AGBL1: variants seen among roughly 807,000 people sequenced by gnomAD.
AGBL1 encodes the protein AGBL carboxypeptidase 1.
A neutral mutation model predicts 118.9 loss-of-function variants in AGBL1; 130 were observed. That is an observed-to-expected ratio of 1.09 (90% CI 0.95 to 1.26). The LOEUF (loss-of-function observed/expected upper bound fraction) is 1.26, where lower values mean the gene tolerates loss of function less well. AGBL1 is among the 50% of genes most tolerant of loss of function. The pLI, the probability that AGBL1 is intolerant of heterozygous loss-of-function variation, is 0.00. For missense variants in AGBL1, 1,584 were observed against 1,298.1 expected, an observed-to-expected ratio of 1.22 and a Z score of -3.38; for synonymous variants, 555 against 478.9, an observed-to-expected ratio of 1.16 and a Z score of -2.08.
intron 24 of AGBL1, among the ~76,000 whole-genome samples, chr15:86,993,489 C>T (rs892312964): frequency 1.3e-5 from 2 of 152,128 alleles, no homozygotes; most frequent in Non-Finnish European, 2.9e-5. Flanking sequence ...CCTGTTACTT[C>T]TGCTGTCACA....
At chr15:86,960,136 T>G (rs2141684154) in intron 23 of AGBL1, among the ~76,000 whole-genome samples, 1 of 152,250 alleles carries the variant, frequency 6.6e-6, no homozygotes, top group African/African-American at 2.4e-5. Flanking sequence ...AGGGTACTAC[T>G]TATCTTGCTT....
At chr15:86,158,889 T>C in intron 4 of AGBL1, 44 bp from the exon 5 acceptor site, 2 of 1,561,018 alleles carry the variant, frequency 1.3e-6, no homozygotes, top group South Asian at 2.2e-5. Context: ...GAGCCTTAAC[T>C]CATCCACTTG....
At chr15:86,373,145 C>A (rs1376136179) in intron 17 of AGBL1, among the ~76,000 whole-genome samples, 1 of 152,162 alleles carries the variant, frequency 6.6e-6, no homozygotes, top group Non-Finnish European at 1.5e-5. Flanking sequence ...ACCTCATTGA[C>A]CCTCACCTAA....
chr15:86,279,389 A>G (rs950596767), intron 15 of AGBL1, among the ~76,000 whole-genome samples: 2 of 152,218 alleles, frequency 1.3e-5, no homozygotes, highest in Admixed American at 6.5e-5. Flanking sequence ...AAAGGTCGGT[A>G]GCATATACGG....
In AGBL1 at chr15:86,716,340, G is replaced by A. The variant is rs1023710139; in HGVS notation, c.3158+41904G>A. Among the ~76,000 whole-genome samples, 5 of 151,962 alleles carry A rather than the reference G, an allele frequency of 3.3e-5. No individual in the cohort carries two copies. In the South Asian group the frequency reaches 6.2e-4, roughly 19 times the overall value. ...TGCATGGGGGAAATCTGAAAGGCTC[G>A]GAAGTGTAGTGGGGTCCCATGGAGG... On this transcript the variant is annotated intron_variant, in intron 22 of 22. Coordinates refer to ENST00000614907, the MANE Select transcript of AGBL1 (RefSeq NM_001386094.1).
At chr15:86,223,771 A>G (rs1237389332) in intron 5 of AGBL1, among the ~76,000 whole-genome samples, 1 of 152,162 alleles carries the variant, frequency 6.6e-6, no homozygotes, top group African/African-American at 2.4e-5. Flanking sequence ...ATGGGGAGCA[A>G]TGCTTTCACA....
intron 22 of AGBL1, among the ~76,000 whole-genome samples, chr15:86,683,100 A>T (rs1291947628): frequency 6.6e-6 from 1 of 152,210 alleles, no homozygotes; most frequent in African/African-American, 2.4e-5. Context: ...TGGTGTACAC[A>T]TGCTGATTAC....
chr15:86,918,591 A>G (rs1401269942), downstream of AGBL1, among the ~76,000 whole-genome samples: 1 of 151,912 alleles, frequency 6.6e-6, no homozygotes, highest in Non-Finnish European at 1.5e-5. Context: ...TCTTATTTTC[A>G]GACTTAGTCA....
chr15:87,009,486 T>A (rs2081536458), intron 24 of AGBL1, among the ~76,000 whole-genome samples: 1 of 152,186 alleles, frequency 6.6e-6, no homozygotes, highest in African/African-American at 2.4e-5. Flanking sequence ...GCTAGGGCAG[T>A]GTGGAAGAGA....
rs746390210 is a variant in AGBL1 at position 86,674,417 on chromosome 15, C to G, written c.3139C>G (p.Leu1047Val). The G allele has an allele frequency of 7.5e-6, 12 of 1,609,538 alleles. No individual in the cohort carries two copies. In the East Asian group the frequency reaches 1.6e-4, roughly 21 times the overall value. ...ATLLSAEEDA[L>V]DQHLQRCSSS... is the part of the protein sequence containing the mutation. ...TCTGCTGAGTGCTGAGGAGGACGCT[C>G]TGGACCAGCACCTCCAACGGTAAGA... The change falls in exon 22 of 23, where the codon CTG becomes GTG. Residue 1047 changes from leucine to valine, a missense_variant. By Grantham distance (32) the Leu-to-Val change is conservative (BLOSUM62 1). Coordinates refer to ENST00000614907, the MANE Select transcript of AGBL1 (RefSeq NM_001386094.1).
At chr15:86,964,165 T>C (rs953867151) in intron 23 of AGBL1, among the ~76,000 whole-genome samples, 2 of 151,950 alleles carry the variant, frequency 1.3e-5, no homozygotes, top group African/African-American at 4.8e-5. Context: ...GTGCTGGAAT[T>C]AGGGACCAAA....
At chr15:86,142,275 C>G (rs1174349057) in intron 2 of AGBL1, among the ~76,000 whole-genome samples, 2 of 152,182 alleles carry the variant, frequency 1.3e-5, no homozygotes, top group Non-Finnish European at 2.9e-5. Context: ...TCTTCTCACC[C>G]GACACTGAGG....
intron 18 of AGBL1, among the ~76,000 whole-genome samples, chr15:86,479,361 A>G (rs1385277226): frequency 6.6e-6 from 1 of 152,244 alleles, no homozygotes; most frequent in Non-Finnish European, 1.5e-5. Flanking sequence ...TCCAGAATCT[A>G]CAATGAACTC....
intron 1 of AGBL1, among the ~76,000 whole-genome samples, chr15:86,105,993 C>T: frequency 6.6e-6 from 1 of 152,206 alleles, no homozygotes; most frequent in East Asian, 1.9e-4. Context: ...TCTGAAAAAT[C>T]ACTTTTGTCT....
At chr15:86,087,117 T>G (rs1194747514) in intron 1 of AGBL1, among the ~76,000 whole-genome samples, 1 of 152,230 alleles carries the variant, frequency 6.6e-6, no homozygotes, top group Non-Finnish European at 1.5e-5. Flanking sequence ...CACTGGATAT[T>G]ACTCCAAAAC....
intron 18 of AGBL1, among the ~76,000 whole-genome samples, chr15:86,468,797 C>T (rs2082440279): frequency 6.6e-6 from 1 of 152,048 alleles, no homozygotes; most frequent in South Asian, 2.1e-4. Context: ...GTAGGATAGA[C>T]ATGAGAGGGG....
At chr15:86,242,759 A>G (rs2078659939) in intron 6 of AGBL1, among the ~76,000 whole-genome samples, 1 of 152,244 alleles carries the variant, frequency 6.6e-6, no homozygotes. Flanking sequence ...TGGGAAATAA[A>G]GAGCAGTGAT....
At chr15:86,994,887 G>T (rs1018550633) in intron 24 of AGBL1, among the ~76,000 whole-genome samples, 1 of 152,134 alleles carries the variant, frequency 6.6e-6, no homozygotes, top group Non-Finnish European at 1.5e-5. Flanking sequence ...ACTGTGGGGT[G>T]AAGTAAAATC....
chr15:86,442,095 C>T (rs1038803288), intron 18 of AGBL1, among the ~76,000 whole-genome samples: 33 of 152,190 alleles, frequency 2.2e-4, no homozygotes, highest in African/African-American at 6.5e-4. Flanking sequence ...AAGCATGGTT[C>T]GAGACAACTG....
Sources: allele counts gnomAD v4.1 joint callset (sites outside exome capture counted in the v4.1 genomes callset), GRCh38; gene constraint gnomAD v4.1.1; transcripts MANE v1.5; gene names NCBI Gene and HGNC (gene_info 2026-07-23, HGNC 2026-07-21).